The following GRM8 variants were observed in gnomAD, a reference collection of about 807,000 sequenced individuals.
GRM8 encodes the protein glutamate metabotropic receptor 8.
A neutral mutation model predicts 87.2 loss-of-function variants in GRM8; 47 were observed. That is an observed-to-expected ratio of 0.54 (90% CI 0.43 to 0.69). The LOEUF (loss-of-function observed/expected upper bound fraction) is 0.69. Among genes scored for constraint, GRM8 ranks in the 30% least tolerant of loss-of-function variants. The pLI is 0.00. For missense variants in GRM8, 1,019 were observed against 1,139.2 expected, an observed-to-expected ratio of 0.89 and a Z score of 1.52; for synonymous variants, 396 against 404.5, an observed-to-expected ratio of 0.98 and a Z score of 0.25.
intron 8 of GRM8, among the ~76,000 whole-genome samples, chr7:126,592,092 C>T (rs987386053): frequency 1.3e-5 from 2 of 150,464 alleles, no homozygotes; most frequent in South Asian, 4.2e-4. Flanking sequence ...AATGAATAAA[C>T]ACATAAACAG....
At chr7:126,610,078 C>A (rs1585213006) in intron 7 of GRM8, among the ~76,000 whole-genome samples, 1 of 152,304 alleles carries the variant, frequency 6.6e-6, no homozygotes, top group South Asian at 2.1e-4. Context: ...CAACTCTGCC[C>A]AGATCATGAT....
chr7:126,553,622 T>C (rs1337986237), intron 8 of GRM8, among the ~76,000 whole-genome samples: 2 of 152,184 alleles, frequency 1.3e-5, no homozygotes, highest in Non-Finnish European at 2.9e-5. Flanking sequence ...CTAGTACATC[T>C]AATACATCTA....
At chr7:126,923,461 T>C (rs1416380827) in intron 3 of GRM8, among the ~76,000 whole-genome samples, 1 of 152,234 alleles carries the variant, frequency 6.6e-6, no homozygotes, top group Non-Finnish European at 1.5e-5. Context: ...CCAAAACCAC[T>C]ACTGACACTT....
chr7:127,016,632 T>G (rs1285809378), intron 3 of GRM8, among the ~76,000 whole-genome samples: 1 of 152,088 alleles, frequency 6.6e-6, no homozygotes, highest in Non-Finnish European at 1.5e-5. Flanking sequence ...AAACCATTGC[T>G]CTTTCTCAAT....
chr7:127,090,736 C>A (rs1255462412), intron 3 of GRM8, among the ~76,000 whole-genome samples: 1 of 152,148 alleles, frequency 6.6e-6, no homozygotes, highest in Non-Finnish European at 1.5e-5. Context: ...GCCCCAGAAC[C>A]CAGATCCCAT....
intron 6 of GRM8, among the ~76,000 whole-genome samples, chr7:126,887,124 A>G (rs1249503169): frequency 6.6e-6 from 1 of 152,116 alleles, no homozygotes; most frequent in Non-Finnish European, 1.5e-5. Flanking sequence ...TGAAAATCAA[A>G]CCAGCAGAGA....
At chr7:126,783,941 T>C (rs574017074) in intron 6 of GRM8, among the ~76,000 whole-genome samples, 2 of 152,356 alleles carry the variant, frequency 1.3e-5, no homozygotes, top group South Asian at 4.1e-4. Context: ...ACCTCATCTA[T>C]AGCCTCAGAT....
chr7:126,509,391 A>G (rs1381284390), intron 9 of GRM8, among the ~76,000 whole-genome samples: 1 of 152,040 alleles, frequency 6.6e-6, no homozygotes, highest in Non-Finnish European at 1.5e-5. Flanking sequence ...TTGTCCAGGT[A>G]ATGGCTGATA....
chr7:127,015,614 C>G (rs1057191902), intron 3 of GRM8, among the ~76,000 whole-genome samples: 1 of 152,098 alleles, frequency 6.6e-6, no homozygotes, highest in Non-Finnish European at 1.5e-5. Flanking sequence ...CCGACCACTA[C>G]CCTATTACAT....
chr7:126,888,029 G>A (rs1249461844), intron 6 of GRM8, among the ~76,000 whole-genome samples: 3 of 152,144 alleles, frequency 2.0e-5, no homozygotes, highest in East Asian at 1.9e-4. Flanking sequence ...GGGGGTAGGT[G>A]AGCATCCTAA....
At chr7:126,917,187 G>C (rs1026652269) in intron 3 of GRM8, among the ~76,000 whole-genome samples, 5 of 152,066 alleles carry the variant, frequency 3.3e-5, no homozygotes, top group African/African-American at 1.2e-4. Context: ...ATGTTGGCCA[G>C]CTGGTCTCGA....
intron 3 of GRM8, among the ~76,000 whole-genome samples, chr7:127,078,354 C>A (rs552881972): frequency 6.6e-6 from 1 of 152,272 alleles, no homozygotes; most frequent in Admixed American, 6.5e-5. Context: ...ATAGATCATT[C>A]CCTTTTAGCT....
At chr7:126,693,032 G>A (rs985700834) in intron 7 of GRM8, among the ~76,000 whole-genome samples, 1 of 152,124 alleles carries the variant, frequency 6.6e-6, no homozygotes, top group Non-Finnish European at 1.5e-5. Context: ...ACCCTCAATA[G>A]GAAAAAGTTG....
intron 7 of GRM8, among the ~76,000 whole-genome samples, chr7:126,626,141 C>T (rs1800663443): frequency 9.4e-6 from 1 of 106,202 alleles, no homozygotes; most frequent in Non-Finnish European, 2.1e-5. Flanking sequence ...TACATATGGT[C>T]CAACCTTTTC....
At chr7:126,878,514 T>G (rs983211008) in intron 6 of GRM8, among the ~76,000 whole-genome samples, 26 of 141,008 alleles carry the variant, frequency 1.8e-4, no homozygotes, top group East Asian at 7.5e-4. Context: ...TATCGTCGTC[T>G]TCTTCTTTTT....
At chr7:126,965,621 T>G (rs1290557771) in intron 3 of GRM8, among the ~76,000 whole-genome samples, 1 of 152,156 alleles carries the variant, frequency 6.6e-6, no homozygotes, top group Non-Finnish European at 1.5e-5. Flanking sequence ...ATGTAATAAT[T>G]ATGAAACTAT....
chr7:127,213,288 T>C (rs749260462), intron 2 of GRM8, among the ~76,000 whole-genome samples: 6 of 152,230 alleles, frequency 3.9e-5, no homozygotes, highest in Non-Finnish European at 5.9e-5. Context: ...TAGCCATATG[T>C]GGCTTCTGAG....
chr7:127,201,676 A>G (rs1016861979), intron 2 of GRM8, among the ~76,000 whole-genome samples: 7 of 152,178 alleles, frequency 4.6e-5, no homozygotes, highest in Non-Finnish European at 1.0e-4. Context: ...TGTGGTGGTA[A>G]GAATCGTCAA....
intron 9 of GRM8, among the ~76,000 whole-genome samples, chr7:126,513,554 G>T (rs1024380): frequency 0.76 from 115,354 of 152,032 alleles, 43,779 homozygotes; most frequent in Middle Eastern, 0.88. Flanking sequence ...TTCCAGTCTT[G>T]GCTAACACCA....
Sources: gnomAD v4.1 joint callset for allele counts (sites outside exome capture counted in the v4.1 genomes callset) on GRCh38, gnomAD v4.1.1 for gene constraint, MANE v1.5 for transcripts, NCBI Gene and HGNC (gene_info 2026-07-23, HGNC 2026-07-21) for gene names.